The following KIF24 variants were observed in gnomAD, a reference collection of about 807,000 sequenced individuals.
The protein encoded by KIF24 is kinesin family member 24.
Under a neutral mutation model 118.9 loss-of-function variants are expected in KIF24, and 81 were observed. The observed-to-expected ratio is 0.68, with a 90% CI of 0.57 to 0.82. The LOEUF (loss-of-function observed/expected upper bound fraction) is 0.82. KIF24 is among the 40% of genes least tolerant of loss of function. KIF24 has a pLI of 0.00. For synonymous variants in KIF24, 599 were observed against 610.0 expected (o/e 0.98, Z 0.27); for missense variants, 1,560 against 1,661.6 (o/e 0.94, Z 1.06).
intron 1 of KIF24, chr9:34,319,578 G>C: frequency 9.6e-7 from 1 of 1,041,784 alleles, no homozygotes; most frequent in Non-Finnish European, 1.5e-6. Context: ...CCTGGTGTGG[G>C]ACACCCAGAG....
intron 4 of KIF24, among the ~76,000 whole-genome samples, chr9:34,291,859 A>G (rs1376723188): frequency 2.0e-5 from 3 of 152,202 alleles, no homozygotes; most frequent in African/African-American, 7.2e-5. Context: ...ACTAAGCCAA[A>G]TGGAAAAGTC....
At chr9:34,254,636 C>G in intron 12 of KIF24, 116 bp from the exon 13 acceptor site, 1 of 1,049,746 alleles carries the variant, frequency 9.5e-7, no homozygotes, top group Middle Eastern at 2.2e-4. Flanking sequence ...ACTCTTCCAG[C>G]GGGAGAACAT....
chr9:34,301,448 C>A (rs1587955632), intron 3 of KIF24, among the ~76,000 whole-genome samples: 1 of 152,132 alleles, frequency 6.6e-6, no homozygotes, highest in South Asian at 2.1e-4. Flanking sequence ...TGGGGTTTCG[C>A]TATGATAGCC....
chr9:34,299,604 G>A (rs535308953), intron 3 of KIF24, among the ~76,000 whole-genome samples: 30 of 151,836 alleles, frequency 2.0e-4, no homozygotes, highest in Middle Eastern at 3.4e-3. Context: ...GAATATCTCT[G>A]GAAAGATACA....
upstream of KIF24, among the ~76,000 whole-genome samples, chr9:34,330,157 A>C (rs1206450420): frequency 6.6e-6 from 1 of 151,756 alleles, no homozygotes; most frequent in East Asian, 1.9e-4. Context: ...TAATCCCAGC[A>C]TTTTGGGAGG....
intron 1 of KIF24, among the ~76,000 whole-genome samples, chr9:34,315,341 G>A (rs1452694381): frequency 2.6e-5 from 4 of 151,700 alleles, no homozygotes; most frequent in African/African-American, 9.7e-5. Context: ...TTAAAAAATT[G>A]TATATAACAC....
intron 1 of KIF24, among the ~76,000 whole-genome samples, chr9:34,311,657 TATA>T (rs778211580): frequency 0.17 from 23,970 of 145,258 alleles, 2,304 homozygotes; most frequent in East Asian, 0.47. Flanking sequence ...TATACGTGTA[TATA>T]CATATATACG....
rs1367076084 is a variant in KIF24 at position 34,318,925 on chromosome 9, C to CGA, written c.-25-7556_-25-7555dup. 1 of 1,564,634 alleles carries CGA rather than the reference C, an allele frequency of 6.4e-7. No individual in the cohort carries two copies. Among genetic ancestry groups the CGA allele is most frequent in the Non-Finnish European group, 8.8e-7 (1 of 1,141,204 alleles). ...AGCGCAGTGCGCTGCAGTCCATCCA[C>CGA]GAGTGGGCCGTGCAGACCACCGACG... On this transcript the variant is annotated intron_variant, in intron 1 of 12. Coordinates refer to ENST00000402558, the MANE Select transcript of KIF24 (RefSeq NM_194313.4). This position sits in a 1 kb window ranked among gnomAD's most constrained non-coding sequence, Gnocchi z 4.9.
rs535555513 is a variant in KIF24 at position 34,318,131 on chromosome 9, T to G, written c.-25-6760A>C. Among the ~76,000 whole-genome samples the G allele has an allele frequency of 1.3e-5, 2 of 152,066 alleles. No homozygotes were observed. The highest frequency in any genetic ancestry group is 4.8e-5 in the African/African-American group (2 of 41,400). On this transcript the variant is annotated intron_variant, in intron 1 of 12. Coordinates refer to ENST00000402558, the MANE Select transcript of KIF24 (RefSeq NM_194313.4). This position sits in a 1 kb window ranked among gnomAD's most constrained non-coding sequence, Gnocchi z 4.9. ...GGAGGAGAACAAACAAGTCTAAAGCTGGTGGTTTAACAAGATAAATACATG... is the reference window on the plus strand; with the variant it reads ...GGAGGAGAACAAACAAGTCTAAAGCGGGTGGTTTAACAAGATAAATACATG...
intron 8 of KIF24, among the ~76,000 whole-genome samples, chr9:34,264,192 C>T (rs1345613171): frequency 6.6e-6 from 1 of 151,158 alleles, no homozygotes; most frequent in Non-Finnish European, 1.5e-5. Context: ...GAGGCTGAGG[C>T]GGGCAGATTA....
At chr9:34,305,634 C>T (rs930452090) in intron 3 of KIF24, among the ~76,000 whole-genome samples, 1 of 152,136 alleles carries the variant, frequency 6.6e-6, no homozygotes, top group Non-Finnish European at 1.5e-5. Flanking sequence ...GGCAGATCCT[C>T]CCTCTGTTGC....
chr9:34,322,367 T>C (rs1282238726), intron 1 of KIF24, among the ~76,000 whole-genome samples: 1 of 151,778 alleles, frequency 6.6e-6, no homozygotes, highest in Non-Finnish European at 1.5e-5. Context: ...CAAACACTAA[T>C]AATGATCACT....
At chr9:34,277,795 A>T (rs1401239521) in intron 6 of KIF24, among the ~76,000 whole-genome samples, 1 of 152,228 alleles carries the variant, frequency 6.6e-6, no homozygotes, top group African/African-American at 2.4e-5. Flanking sequence ...AAGAGTAAAA[A>T]TGAGGCAGTC....
At chr9:34,310,509 A>G (rs1837097150) in intron 2 of KIF24, among the ~76,000 whole-genome samples, 1 of 152,210 alleles carries the variant, frequency 6.6e-6, no homozygotes, top group African/African-American at 2.4e-5. Flanking sequence ...TACATGAACA[A>G]TATCATCTTT....
At chr9:34,321,364 G>A (rs2131832984) in intron 1 of KIF24, among the ~76,000 whole-genome samples, 1 of 151,772 alleles carries the variant, frequency 6.6e-6, no homozygotes, top group East Asian at 1.9e-4. Flanking sequence ...GTGATACATG[G>A]TCAAATTATT....
intron 1 of KIF24, among the ~76,000 whole-genome samples, chr9:34,321,662 A>G (rs1037122269): frequency 1.4e-5 from 2 of 144,626 alleles, no homozygotes; most frequent in Admixed American, 7.2e-5. Flanking sequence ...GCTGGAGTAC[A>G]GTGGTGCAAT....
At position 34,325,645 on chromosome 9, in the gene KIF24, T is replaced by C. The variant is rs1837649879; in HGVS notation, c.-26+3461A>G. 2.0e-5 allele frequency among the ~76,000 whole-genome samples: 3 copies of C among 151,802 alleles called. No homozygotes were observed. The South Asian group carries it at 6.3e-4, about 32-fold the overall frequency. Reference sequence around the variant, plus strand: ...AGGAAGAGGTTGCAGTGAGCCAAGATTGCGCCACTGCACTCCAGCCTGGGC... The same window carrying C: ...AGGAAGAGGTTGCAGTGAGCCAAGACTGCGCCACTGCACTCCAGCCTGGGC... On this transcript the variant is annotated intron_variant, in intron 1 of 12. Coordinates refer to ENST00000402558, the MANE Select transcript of KIF24 (RefSeq NM_194313.4).
chr9:34,328,782 G>A (rs1837765772), intron 1 of KIF24, among the ~76,000 whole-genome samples: 1 of 152,164 alleles, frequency 6.6e-6, no homozygotes, highest in Admixed American at 6.5e-5. Context: ...ACAACCCAAG[G>A]GCGAATAGAA....
At chr9:34,269,424 T>A (rs1219062383) in intron 7 of KIF24, 62 bp from the exon 8 acceptor site, 8 of 821,180 alleles carry the variant, frequency 9.7e-6, no homozygotes, top group East Asian at 3.1e-5. Context: ...ATTTTATTTT[T>A]ATTATTATTT....
Sources: gnomAD v4.1 joint callset for allele counts (sites outside exome capture counted in the v4.1 genomes callset) on GRCh38, gnomAD v4.1.1 for gene constraint, Gnocchi (gnomAD v3.1) non-coding constraint, MANE v1.5 for transcripts, NCBI Gene and HGNC (gene_info 2026-07-23, HGNC 2026-07-21) for gene names.